Variants in PARP10 observed in about 807,000 individuals in gnomAD.
PARP10 encodes the protein protein mono-ADP-ribosyltransferase PARP10.
In PARP10, 56 loss-of-function variants were observed where a neutral mutation model predicts 82.4. The ratio of observed to expected loss-of-function variants is 0.68; its 90% CI spans 0.55 to 0.85. The LOEUF (loss-of-function observed/expected upper bound fraction) is 0.85. Ranked by LOEUF, PARP10 falls within the 40% of genes least tolerant of loss-of-function variation. The pLI, the probability that PARP10 is intolerant of heterozygous loss-of-function variation, is 0.00. For missense variants in PARP10, 1,227 were observed against 1,379.4 expected (o/e 0.89, Z 1.75); for synonymous variants, 576 against 601.1 (o/e 0.96, Z 0.61).
chr8:143,986,252 T>G lies in PARP10; in HGVS notation c.3-19A>C, dbSNP rs1833989315. 6.2e-7 allele frequency: 1 copy of G among 1,613,580 alleles called. No individual in the cohort carries two copies. The highest frequency in any genetic ancestry group is 1.1e-5 in the South Asian group (1 of 91,074). ...TGCAACCCTGGGACGGGGCATCAGGTGGGTAGGGAAACAGCCCATTCCACC... is the reference window on the plus strand; with the variant it reads ...TGCAACCCTGGGACGGGGCATCAGGGGGGTAGGGAAACAGCCCATTCCACC... On this transcript the variant is annotated intron_variant, in intron 1 of 10. Coordinates refer to ENST00000313028, the MANE Select transcript of PARP10 (RefSeq NM_032789.5).
At chr8:143,999,960 C>T (rs1834189880) in intron 1 of PARP10, among the ~76,000 whole-genome samples, 1 of 152,020 alleles carries the variant, frequency 6.6e-6, no homozygotes, top group Non-Finnish European at 1.5e-5. Flanking sequence ...ATTAGAGTCC[C>T]AGAAGGAGTA....
At chr8:143,994,743 A>G (rs1834150291), upstream of PARP10, among the ~76,000 whole-genome samples, 2 of 152,040 alleles carry the variant, frequency 1.3e-5, no homozygotes, top group South Asian at 4.1e-4. Flanking sequence ...TCACATGCTG[A>G]GCAGCGAGTG....
upstream of PARP10, chr8:143,991,315 C>T (rs782781264): frequency 3.0e-5 from 42 of 1,405,020 alleles, 1 homozygote; most frequent in Non-Finnish European, 3.8e-5. Context: ...CCCATGCCCC[C>T]CTATGCTCAG....
chr8:143,992,437 C>T (rs377673193), upstream of PARP10: 26 of 1,613,804 alleles, frequency 1.6e-5, no homozygotes, highest in African/African-American at 3.3e-4. Context: ...AGGCCCAGCC[C>T]CATGGCCCGT....
chr8:144,008,482 G>T lies in PARP10; in HGVS notation c.-80+4048C>A, dbSNP rs1217086272. ...AGCCAGTGACCCAAGACGGGAAGGA[G>T]GAGATCTGACTCAGCAAAAGCAAGT... On this transcript the variant is annotated intron_variant, in intron 1 of 3. Coordinates refer to the PARP10 transcript ENST00000530478. The surrounding 1 kb of genome is among the most constrained non-coding windows in gnomAD (Gnocchi z 4.0). 2.6e-5 allele frequency among the ~76,000 whole-genome samples: 4 copies of T among 152,220 alleles called. No individual in the cohort carries two copies. Among genetic ancestry groups the T allele is most frequent in the Non-Finnish European group, 2.9e-5 (2 of 68,044 alleles).
intron 1 of PARP10, among the ~76,000 whole-genome samples, chr8:144,006,624 C>A (rs542984091): frequency 6.6e-6 from 1 of 152,248 alleles, no homozygotes; most frequent in South Asian, 2.1e-4. Flanking sequence ...ATGTTTGTGT[C>A]CCCCCTCAAA....
intron 9 of PARP10, among the ~76,000 whole-genome samples, chr8:143,978,496 T>G (rs2133031224): frequency 6.6e-6 from 1 of 152,316 alleles, no homozygotes; most frequent in South Asian, 2.1e-4. Context: ...GGGAAACACT[T>G]TTAAAGAAAT....
At chr8:144,002,568 A>C (rs1162678562) in intron 1 of PARP10, among the ~76,000 whole-genome samples, 1 of 152,212 alleles carries the variant, frequency 6.6e-6, no homozygotes, top group Non-Finnish European at 1.5e-5. Context: ...GTATTAATGC[A>C]AGAATAGACC....
upstream of PARP10, chr8:143,988,857 C>T (rs1172371990): frequency 6.6e-6 from 1 of 152,190 alleles, no homozygotes; most frequent in African/African-American, 2.4e-5. Context: ...GTAAATCCAT[C>T]CCTGCTTTTT....
intron 9 of PARP10, among the ~76,000 whole-genome samples, chr8:143,979,322 A>T (rs1554747136): frequency 6.6e-6 from 1 of 152,184 alleles, no homozygotes; most frequent in Non-Finnish European, 1.5e-5. Flanking sequence ...TGCAAACCGG[A>T]AGAAGTCTCA....
In PARP10 at chr8:143,986,052, C is replaced by T. The variant is rs1303696403; in HGVS notation, c.181+3G>A. The T allele has an allele frequency of 6.2e-7, 1 of 1,612,932 alleles. No homozygotes were observed. Among genetic ancestry groups the T allele is most frequent in the Non-Finnish European group, 8.5e-7 (1 of 1,179,244 alleles). ...AGGCTGTCCCTTCAGCCAGCCCTCTCACCTGCAGGCTCTCTGAAGGTGAGG... is the reference window on the plus strand; with the variant it reads ...AGGCTGTCCCTTCAGCCAGCCCTCTTACCTGCAGGCTCTCTGAAGGTGAGG... On this transcript the variant is annotated splice_donor_region_variant and intron_variant, in intron 2 of 10. Transcript: ENST00000313028.
chr8:143,995,367 G>A (rs1258776693), upstream of PARP10, among the ~76,000 whole-genome samples: 6 of 152,196 alleles, frequency 3.9e-5, no homozygotes, highest in African/African-American at 1.2e-4. Context: ...CAGAAGCATC[G>A]GGAGGTGCCA....
chr8:143,991,544 C>G, upstream of PARP10: 2 of 1,549,002 alleles, frequency 1.3e-6, no homozygotes, highest in Non-Finnish European at 1.8e-6. Flanking sequence ...ATCCCCAGAG[C>G]CCCTTCCCCC....
upstream of PARP10, among the ~76,000 whole-genome samples, chr8:143,987,536 G>A (rs1169049366): frequency 1.3e-5 from 2 of 152,160 alleles, no homozygotes; most frequent in Non-Finnish European, 2.9e-5. Flanking sequence ...GAGGTGTCAG[G>A]GTGAGCCTTG....
At chr8:143,996,942 T>C (rs560986088) in intron 1 of PARP10, among the ~76,000 whole-genome samples, 2 of 151,228 alleles carry the variant, frequency 1.3e-5, no homozygotes, top group East Asian at 2.0e-4. Context: ...GTGAAGACTA[T>C]GGTGATGGTG....
chr8:143,985,288 G>A lies in PARP10; in HGVS notation c.714C>T (p.Gly238=), dbSNP rs781886143. The change falls in exon 5 of 11, where the codon GGC becomes GGT. Residue 238 remains glycine, a synonymous_variant. Transcript: ENST00000313028. ...RVLQQEHRLQ[G]SELSLVPHYD... ...AGTGGGGGACAAGGCTCAGCTCTGA[G>A]CCCTGCAACCGGTGCTCCTGCTGCA... is the stretch of plus-strand genomic sequence containing the variant. 6.2e-7 allele frequency: 1 copy of A among 1,612,720 alleles called. No homozygotes were observed. The highest frequency in any genetic ancestry group is 8.5e-7 in the Non-Finnish European group (1 of 1,179,328).
intron 1 of PARP10, among the ~76,000 whole-genome samples, chr8:144,007,354 C>A (rs997296240): frequency 1.3e-5 from 2 of 152,154 alleles, no homozygotes; most frequent in African/African-American, 4.8e-5. Flanking sequence ...CTCCCCAGGG[C>A]CCTCCAGACT....
chr8:143,977,707 T>C lies in PARP10; in HGVS notation c.2855A>G (p.Asp952Gly), dbSNP rs1833728572. The C allele has an allele frequency of 6.3e-7, 1 of 1,594,312 alleles. No individual in the cohort carries two copies. The highest frequency in any genetic ancestry group is 2.3e-5 in the East Asian group (1 of 43,424). Reference protein sequence around the residue: ...AVFVARVLTGDYGQGRRGLRA... With the variant: ...AVFVARVLTGGYGQGRRGLRA... ...CAGACCGCGGCGGCCCTGCCCGTAG[T>C]CGCCAGTCAGCACCCGTGCCACGAA... Residue 952 changes from aspartate to glycine, a missense_variant, in exon 11 of 11, where the codon GAC becomes GGC. Transcript: ENST00000313028.
chr8:143,998,877 G>A (rs1340232400), intron 1 of PARP10, among the ~76,000 whole-genome samples: 1 of 151,934 alleles, frequency 6.6e-6, no homozygotes, highest in Non-Finnish European at 1.5e-5. Context: ...CTGAGCTAGG[G>A]AGTTTGAGGC....
Sources: gnomAD v4.1 joint callset for allele counts (sites outside exome capture counted in the v4.1 genomes callset) on GRCh38, gnomAD v4.1.1 for gene constraint, Gnocchi (gnomAD v3.1) non-coding constraint, MANE v1.5 for transcripts, NCBI Gene and HGNC (gene_info 2026-07-23, HGNC 2026-07-21) for gene names.